Variants in DCAF8L2 observed in about 807,000 individuals in gnomAD.
The protein encoded by DCAF8L2 is DDB1- and CUL4-associated factor 8-like protein 2.
For missense variants in DCAF8L2, 430 were observed against 490.7 expected (o/e 0.88, Z 1.17); for synonymous variants, 200 against 190.9 (o/e 1.05, Z -0.39).
upstream of DCAF8L2, among the ~76,000 whole-genome samples, chrX:27,587,985 A>AAAAATATATATATATATAT: frequency 2.2e-4 from 5 of 22,360 alleles, no homozygotes; most frequent in African/African-American, 4.9e-4. Context: ...TAAAAAAAAA[A>AAAAATATATATATATATAT]ATATATATAT....
chrX:27,689,421 T>G (rs1930630350), intron 3 of DCAF8L2, among the ~76,000 whole-genome samples: 1 of 112,043 alleles, frequency 8.9e-6, no homozygotes, highest in South Asian at 3.7e-4. Flanking sequence ...ATTTTTTGTA[T>G]TTTTAGTAGA....
the DCAF8L2 span, among the ~76,000 whole-genome samples, chrX:27,469,801 G>A: frequency 9.4e-6 from 1 of 106,587 alleles, no homozygotes; most frequent in African/African-American, 3.5e-5. Context: ...TTGAGACGGA[G>A]TTTTCACTCG....
At chrX:27,666,111 A>AT (rs1392160425) in intron 2 of DCAF8L2, among the ~76,000 whole-genome samples, 1 of 111,875 alleles carries the variant, frequency 8.9e-6, no homozygotes, top group Non-Finnish European at 1.9e-5. Context: ...CAATAATTAT[A>AT]TTTTTTGTGT....
At chrX:27,471,921 A>G in the DCAF8L2 span, among the ~76,000 whole-genome samples, 1 of 111,923 alleles carries the variant, frequency 8.9e-6, no homozygotes, top group Non-Finnish European at 1.9e-5. Flanking sequence ...AAAAAATTCA[A>G]TTCCTCCTCA....
intron 1 of DCAF8L2, among the ~76,000 whole-genome samples, chrX:27,593,621 G>A (rs1212694351): frequency 1.8e-5 from 2 of 111,395 alleles, no homozygotes. Flanking sequence ...CCAGAATCAG[G>A]GAATCCCGAG....
chrX:27,627,536 GTT>G (rs202026706), intron 1 of DCAF8L2: 1,455 of 41,537 alleles, frequency 0.035, 18 homozygotes, highest in Middle Eastern at 0.07. Flanking sequence ...TGTTGTTTTT[GTT>G]GTGTGTGTGT....
intron 3 of DCAF8L2, among the ~76,000 whole-genome samples, chrX:27,715,379 A>AC (rs1193070933): frequency 2.7e-5 from 3 of 109,546 alleles, no homozygotes; most frequent in Admixed American, 9.7e-5. Context: ...AAAAAAAAAA[A>AC]AAAAAAGGAA....
chrX:27,532,356 A>G, the DCAF8L2 span, among the ~76,000 whole-genome samples: 1 of 111,761 alleles, frequency 8.9e-6, no homozygotes, highest in African/African-American at 3.3e-5. Context: ...ACAGGCACCA[A>G]TCTGAAAGGG....
At chrX:27,592,417 G>GTTTTTTTTTTTTTTTTTGTTTTTTTTTTT (rs1248208449) in intron 1 of DCAF8L2, among the ~76,000 whole-genome samples, 1 of 83,954 alleles carries the variant, frequency 1.2e-5, no homozygotes, top group African/African-American at 5.1e-5. Flanking sequence ...GTTTGTTTTT[G>GTTTTTTTTTTTTTTTTTGTTTTTTTTTTT]TTTTTTTTTT....
chrX:27,569,845 G>A, the DCAF8L2 span, among the ~76,000 whole-genome samples: 2 of 111,088 alleles, frequency 1.8e-5, no homozygotes, highest in South Asian at 7.6e-4. Flanking sequence ...AAGTTATTTC[G>A]ACTCTCAGGG....
At chrX:27,715,557 A>G (rs1931672509) in intron 3 of DCAF8L2, among the ~76,000 whole-genome samples, 1 of 111,547 alleles carries the variant, frequency 9.0e-6, no homozygotes. Context: ...TAAAATAGAA[A>G]TCAGTAATAC....
At chrX:27,522,371 G>A in the DCAF8L2 span, among the ~76,000 whole-genome samples, 1 of 111,861 alleles carries the variant, frequency 8.9e-6, no homozygotes, top group African/African-American at 3.2e-5. Context: ...GTATGTATGT[G>A]CATGTGTTTT....
intron 2 of DCAF8L2, among the ~76,000 whole-genome samples, chrX:27,642,834 A>G (rs185492700): frequency 8.9e-6 from 1 of 112,227 alleles, no homozygotes; most frequent in Non-Finnish European, 1.9e-5. Context: ...AAGAACATAT[A>G]TTCTCAATAA....
the DCAF8L2 span, among the ~76,000 whole-genome samples, chrX:27,545,457 C>T: frequency 3.5e-4 from 39 of 112,058 alleles, no homozygotes; most frequent in Non-Finnish European, 6.2e-4. Context: ...ATGAGGAATG[C>T]TATGACAGAA....
At chrX:27,548,930 A>G in the DCAF8L2 span, among the ~76,000 whole-genome samples, 1 of 111,697 alleles carries the variant, frequency 9.0e-6, no homozygotes, top group South Asian at 3.8e-4. Flanking sequence ...CTTTAGCGTA[A>G]TAAATTTGGA....
At chrX:27,644,860 T>C (rs1928880026) in intron 2 of DCAF8L2, among the ~76,000 whole-genome samples, 1 of 111,807 alleles carries the variant, frequency 8.9e-6, no homozygotes, top group Non-Finnish European at 1.9e-5. Flanking sequence ...GTTCAAGCGA[T>C]TCTCCTGCCT....
chrX:27,639,699 A>G (rs1021260476), intron 2 of DCAF8L2, among the ~76,000 whole-genome samples: 1 of 111,237 alleles, frequency 9.0e-6, no homozygotes, highest in Non-Finnish European at 1.9e-5. Context: ...TTCAATTTAC[A>G]TTTTTTAAAT....
upstream of DCAF8L2, among the ~76,000 whole-genome samples, chrX:27,589,485 T>A (rs1324768321): frequency 9.1e-6 from 1 of 109,975 alleles, no homozygotes; most frequent in Non-Finnish European, 1.9e-5. Context: ...ATTTGCTACA[T>A]ACCATATTTA....
At chrX:27,522,825 T>C in the DCAF8L2 span, among the ~76,000 whole-genome samples, 2 of 111,614 alleles carry the variant, frequency 1.8e-5, no homozygotes, top group Non-Finnish European at 3.8e-5. Context: ...CCATTGAGTA[T>C]TGACATGAAG....
Sources: allele counts gnomAD v4.1 joint callset (sites outside exome capture counted in the v4.1 genomes callset), GRCh38; gene constraint gnomAD v4.1.1; transcripts MANE v1.5; gene names NCBI Gene and HGNC (gene_info 2026-07-23, HGNC 2026-07-21).